The following LRMDA variants were observed in gnomAD, a reference collection of about 807,000 sequenced individuals.
LRMDA encodes the protein leucine-rich melanocyte differentiation-associated protein.
Under a neutral mutation model 29.8 loss-of-function variants are expected in LRMDA, and 18 were observed. The observed-to-expected ratio is 0.60, with a 90% CI of 0.42 to 0.90. LRMDA has a LOEUF of 0.90. LRMDA is among the 40% of genes least tolerant of loss of function. LRMDA has a pLI of 0.00. For synonymous variants in LRMDA, 125 were observed against 109.4 expected, an observed-to-expected ratio of 1.14 and a Z score of -0.89; for missense variants, 273 against 273.9, an observed-to-expected ratio of 1.00 and a Z score of 0.02.
chr10:76,014,126 T>TTATA (rs374052789), intron 2 of LRMDA, among the ~76,000 whole-genome samples: 18 of 67,282 alleles, frequency 2.7e-4, no homozygotes, highest in African/African-American at 6.6e-4. Flanking sequence ...ATATATATAA[T>TTATA]TATATATATA....
chr10:76,123,118 G>A (rs762052999), intron 5 of LRMDA, among the ~76,000 whole-genome samples: 20 of 152,226 alleles, frequency 1.3e-4, no homozygotes, highest in South Asian at 2.1e-4. Context: ...AGCATAGGGC[G>A]CTGGCTAACA....
chr10:76,324,382 C>T lies in LRMDA; in HGVS notation c.517-19C>T, dbSNP rs758254744. The T allele has an allele frequency of 6.2e-7, 1 of 1,612,914 alleles. No individual in the cohort carries two copies. The highest frequency in any genetic ancestry group is 1.1e-5 in the South Asian group (1 of 91,046). ...GGTGTTTGGTGTTGCTTCATGTTGA[C>T]TTTGCTTTTGTCACACAGGCTTCTA... is the stretch of plus-strand genomic sequence containing the variant. On this transcript the variant is annotated intron_variant, in intron 5 of 6. Coordinates refer to ENST00000611255, the MANE Select transcript of LRMDA (RefSeq NM_001305581.2).
intron 6 of LRMDA, among the ~76,000 whole-genome samples, chr10:76,517,900 A>G (rs1199050808): frequency 2.7e-5 from 4 of 148,742 alleles, no homozygotes; most frequent in Non-Finnish European, 5.9e-5. Flanking sequence ...GAGTGTTTAA[A>G]TCCCAACCTA....
chr10:75,936,987 C>G (rs1448259853), intron 2 of LRMDA, among the ~76,000 whole-genome samples: 1 of 152,154 alleles, frequency 6.6e-6, no homozygotes, highest in Admixed American at 6.5e-5. Context: ...TGTTTATGGA[C>G]TTAACCCTCA....
At chr10:76,255,589 C>T (rs1406732498) in intron 5 of LRMDA, among the ~76,000 whole-genome samples, 1 of 152,196 alleles carries the variant, frequency 6.6e-6, no homozygotes, top group Admixed American at 6.5e-5. Context: ...TCAGACCAAG[C>T]TAGGAAAGTA....
chr10:75,596,724 G>C (rs1034154103), intron 2 of LRMDA, among the ~76,000 whole-genome samples: 2 of 152,080 alleles, frequency 1.3e-5, no homozygotes, highest in African/African-American at 4.8e-5. Context: ...TTGAAACTAT[G>C]TATTATTGCT....
At chr10:75,830,929 C>T (rs887378800) in intron 2 of LRMDA, among the ~76,000 whole-genome samples, 1 of 152,170 alleles carries the variant, frequency 6.6e-6, no homozygotes, top group Non-Finnish European at 1.5e-5. Flanking sequence ...TAGTTACTTC[C>T]TAGACAAAAC....
At chr10:76,525,558 C>T (rs545890793) in intron 6 of LRMDA, among the ~76,000 whole-genome samples, 34 of 152,212 alleles carry the variant, frequency 2.2e-4, no homozygotes, top group Middle Eastern at 3.4e-3. Context: ...CTTCTAGTGT[C>T]CTGGGGCCTG....
chr10:75,970,293 C>A (rs2132438084), intron 2 of LRMDA, among the ~76,000 whole-genome samples: 1 of 152,308 alleles, frequency 6.6e-6, no homozygotes, highest in South Asian at 2.1e-4. Context: ...AGTCTCCTCA[C>A]CCATAAAAGA....
In LRMDA at chr10:76,360,378, A is replaced by G. The variant is rs182164790; in HGVS notation, c.601+35893A>G. On this transcript the variant is annotated intron_variant, in intron 6 of 6. Transcript: ENST00000611255. Reference sequence around the variant, plus strand: ...TGAGGAGCTCTGCTGCCAGTGTTCAAGGTGGCTTCTCTTTAGCTCATCTAA... The same window carrying G: ...TGAGGAGCTCTGCTGCCAGTGTTCAGGGTGGCTTCTCTTTAGCTCATCTAA... Among the ~76,000 whole-genome samples the G allele has an allele frequency of 2.0e-3, 311 of 152,320 alleles. 3 individuals are homozygous for G. Among genetic ancestry groups the G allele is most frequent in the Middle Eastern group, 6.8e-3 (2 of 294 alleles).
intron 2 of LRMDA, among the ~76,000 whole-genome samples, chr10:76,013,827 G>A (rs1847828156): frequency 6.6e-6 from 1 of 151,816 alleles, no homozygotes; most frequent in Admixed American, 6.6e-5. Flanking sequence ...TTGGTGCTCT[G>A]CCCATATTCC....
intron 2 of LRMDA, among the ~76,000 whole-genome samples, chr10:75,689,848 C>T (rs1298033664): frequency 6.6e-6 from 1 of 152,210 alleles, no homozygotes; most frequent in Admixed American, 6.5e-5. Flanking sequence ...TTCCAGGCTG[C>T]AGCCCGTCAG....
chr10:75,525,974 G>A (rs765758989), intron 2 of LRMDA, among the ~76,000 whole-genome samples: 5 of 151,692 alleles, frequency 3.3e-5, no homozygotes, highest in Non-Finnish European at 7.4e-5. Context: ...TTGAAGATAG[G>A]ATTCTGCCTC....
At chr10:75,936,287 G>A (rs78330812) in intron 2 of LRMDA, among the ~76,000 whole-genome samples, 123 of 152,152 alleles carry the variant, frequency 8.1e-4, no homozygotes, top group African/African-American at 2.6e-3. Context: ...CTGGGTCATT[G>A]TTTACTACTA....
At chr10:76,388,283 G>A (rs1172622816) in intron 6 of LRMDA, among the ~76,000 whole-genome samples, 3 of 152,112 alleles carry the variant, frequency 2.0e-5, no homozygotes, top group Non-Finnish European at 2.9e-5. Context: ...TAAAACCACC[G>A]TTGTATTCAG....
intron 2 of LRMDA, among the ~76,000 whole-genome samples, chr10:75,894,839 A>T (rs186254347): frequency 2.6e-5 from 4 of 152,338 alleles, no homozygotes; most frequent in Admixed American, 2.6e-4. Flanking sequence ...CAACTTTTAG[A>T]TCATCAGTAA....
intron 6 of LRMDA, among the ~76,000 whole-genome samples, chr10:76,344,960 C>A (rs1841085120): frequency 1.4e-5 from 2 of 146,482 alleles, no homozygotes; most frequent in African/African-American, 5.0e-5. Context: ...ACTCATAATT[C>A]AGAAACCCAG....
intron 2 of LRMDA, among the ~76,000 whole-genome samples, chr10:75,687,797 G>A (rs531783766): frequency 6.6e-6 from 1 of 152,120 alleles, no homozygotes. Context: ...CTCTTTTTAG[G>A]GGGTACTGCA....
At chr10:75,696,981 C>G (rs77715462) in intron 2 of LRMDA, among the ~76,000 whole-genome samples, 26 of 152,238 alleles carry the variant, frequency 1.7e-4, no homozygotes, top group Non-Finnish European at 2.9e-4. Context: ...TCTCCTTGGC[C>G]ATCATAATAT....
Sources: allele counts gnomAD v4.1 joint callset (sites outside exome capture counted in the v4.1 genomes callset), GRCh38; gene constraint gnomAD v4.1.1; transcripts MANE v1.5; gene names NCBI Gene and HGNC (gene_info 2026-07-23, HGNC 2026-07-21).